The following ZFP62 variants were observed in gnomAD, a reference collection of about 807,000 sequenced individuals.
ZFP62 encodes the protein zinc finger protein 62 homolog.
ZFP62 carries 44 observed loss-of-function variants against 56.4 expected under a neutral mutation model. The observed-to-expected ratio is 0.78, with a 90% CI of 0.61 to 1.00. The LOEUF is 1.00. ZFP62 is among the 50% of genes least tolerant of loss of function. The pLI is 0.00. For synonymous variants in ZFP62, 421 were observed against 388.9 expected (o/e 1.08, Z -0.97); for missense variants, 1,030 against 1,085.7 (o/e 0.95, Z 0.72).
chr5:180,836,667 A>G, the ZFP62 span, among the ~76,000 whole-genome samples: 5 of 152,252 alleles, frequency 3.3e-5, no homozygotes, highest in Non-Finnish European at 4.4e-5. Flanking sequence ...GCCACAAAGC[A>G]GCCTACATGG....
chr5:180,836,263 T>G, the ZFP62 span, among the ~76,000 whole-genome samples: 1 of 152,240 alleles, frequency 6.6e-6, no homozygotes, highest in Non-Finnish European at 1.5e-5. Flanking sequence ...TAACAGAAAT[T>G]TATTTTCTCA....
In ZFP62 at chr5:180,850,990, A is replaced by G. The variant is rs1773671706; in HGVS notation, c.505T>C (p.Tyr169His). Residue 169 changes from tyrosine to histidine, a missense_variant, in exon 2 of 2, where the codon TAT becomes CAT. Physicochemically the swap from Tyr to His is moderately conservative, Grantham distance 83. Coordinates refer to ENST00000502412, the MANE Select transcript of ZFP62 (RefSeq NM_001172638.2). ...GTCCCTCCACAGTCATCACATTCAT[A>G]GCGCTTTTCCCCAGTGTGCATAATT... ...HKIMHTGEKR[Y>H]ECDDCGGTFR... 1.3e-6 allele frequency: 2 copies of G among 1,552,222 alleles called. No homozygotes were observed. Among genetic ancestry groups the G allele is most frequent in the Non-Finnish European group, 8.7e-7 (1 of 1,147,350 alleles).
rs1201684559 is a variant in ZFP62 at position 180,851,164 on chromosome 5, T to C, written c.331A>G (p.Arg111Gly). The C allele has an allele frequency of 1.9e-6, 3 of 1,551,640 alleles. No homozygotes were observed. In the African/African-American group the frequency reaches 4.1e-5, roughly 21 times the overall value. The change falls in exon 2 of 2, where the codon AGA (arginine) becomes GGA (glycine). Residue 111 changes from arginine to glycine, a missense_variant. Arg to Gly is a moderately radical substitution (Grantham distance 125). Coordinates refer to ENST00000502412, the MANE Select transcript of ZFP62 (RefSeq NM_001172638.2). ...ITHQTMPIGQ[R>G]GSEQGKRVEN... is the part of the protein sequence containing the mutation. ...ACACGTTTGCCTTGCTCACTGCCTC[T>C]CTGTCCTATAGGCATAGTCTGGTGT...
Position 180,848,935 on chromosome 5 carries a change from T to G in ZFP62, c.2560A>C (p.Asn854His). ...ECGKAFNIRS[N>H]LTKHKRTHTG... ...TGGGTTCTTTTATGCTTGGTGAGATTTGATCTGATATTAAAAGCCTTACCA... is the reference window on the plus strand; with the variant it reads ...TGGGTTCTTTTATGCTTGGTGAGATGTGATCTGATATTAAAAGCCTTACCA... The change falls in exon 2 of 2, where the codon AAT becomes CAT. Residue 854 changes from asparagine to histidine, a missense_variant. Transcript: ENST00000502412. 6.4e-7 allele frequency: 1 copy of G among 1,551,762 alleles called. No homozygotes were observed. The highest frequency in any genetic ancestry group is 1.4e-5 in the African/African-American group (1 of 73,160).
At position 180,849,452 on chromosome 5, in the gene ZFP62, G is replaced by C. The variant is rs1773560494; in HGVS notation, c.2043C>G (p.Ala681=). ...RPYECDVCGK[A]YISHSSLINH... The stretch of plus-strand genomic sequence containing the variant: ...TAATAAGGCTTGAGTGTGAGATGTA[G>C]GCTTTTCCACACACATCACATTCAT... Residue 681 remains alanine (A), a synonymous_variant, in exon 2 of 2, where the codon GCC becomes GCG. Coordinates refer to ENST00000502412, the MANE Select transcript of ZFP62 (RefSeq NM_001172638.2). 4 of 1,551,622 alleles carry C rather than the reference G, an allele frequency of 2.6e-6. No individual in the cohort carries two copies. Among genetic ancestry groups the C allele is most frequent in the Non-Finnish European group, 3.5e-6 (4 of 1,147,048 alleles).
chr5:180,840,421 G>A, the ZFP62 span, among the ~76,000 whole-genome samples: 2 of 152,186 alleles, frequency 1.3e-5, no homozygotes, highest in Non-Finnish European at 2.9e-5. Context: ...CTAGGTGTGG[G>A]TAGAGATGAG....
chr5:180,851,014 T>A lies in ZFP62; in HGVS notation c.481A>T (p.Ile161Phe). ...TAGCGCTTTTCCCCAGTGTGCATAA[T>A]TTTATGTTGAACAAGGCGGGAATTA... ...KYNSRLVQHK[I>F]MHTGEKRYEC... is the part of the protein sequence containing the mutation. The change falls in exon 2 of 2, where the codon ATT (isoleucine) becomes TTT (phenylalanine). Residue 161 changes from isoleucine (I) to phenylalanine (F), a missense_variant. Physicochemically the swap from Ile to Phe is conservative, Grantham distance 21. Coordinates refer to ENST00000502412, the MANE Select transcript of ZFP62 (RefSeq NM_001172638.2). The A allele has an allele frequency of 1.3e-6, 2 of 1,551,860 alleles. No individual in the cohort carries two copies. The highest frequency in any genetic ancestry group is 1.7e-6 in the Non-Finnish European group (2 of 1,147,072).
chr5:180,835,788 C>A, the ZFP62 span: 1 of 152,172 alleles, frequency 6.6e-6, no homozygotes, highest in East Asian at 1.9e-4. Context: ...ATGTTCTCAC[C>A]ACTATTTCAA....
At position 180,849,669 on chromosome 5, in the gene ZFP62, T is replaced by C; in HGVS notation, c.1826A>G (p.Lys609Arg). The C allele has an allele frequency of 6.5e-7, 1 of 1,549,780 alleles. No individual in the cohort carries two copies. Among genetic ancestry groups the C allele is most frequent in the Non-Finnish European group, 8.7e-7 (1 of 1,146,392 alleles). ...GTAGGGCTTCTCCCCAAGATGAACTTTTTTGTGGTTTGTAAGGGTTCGGTA... is the reference window on the plus strand; with the variant it reads ...GTAGGGCTTCTCCCCAAGATGAACTCTTTTGTGGTTTGTAAGGGTTCGGTA... ...ITYRTLTNHK[K>R]VHLGEKPYKC... The change falls in exon 2 of 2, where the codon AAA becomes AGA. Residue 609 changes from lysine (K) to arginine (R), a missense_variant. Lys to Arg is a conservative substitution (Grantham distance 26). Coordinates refer to ENST00000502412, the MANE Select transcript of ZFP62 (RefSeq NM_001172638.2).
At position 180,847,629 on chromosome 5, in the gene ZFP62, C is replaced by G. The variant is rs1371656002; in HGVS notation, c.*1163G>C. The G allele has an allele frequency of 3.0e-6, 3 of 985,288 alleles. No individual in the cohort carries two copies. In the African/African-American group the frequency reaches 5.2e-5, roughly 17 times the overall value. The allele number at this position is 985,288 out of a possible 1,614,324, so 61.0% of individuals were successfully genotyped here. On this transcript the variant is annotated 3_prime_UTR_variant, in exon 2 of 2. Transcript: ENST00000502412. ...CAGCCCGTTTTGATTTAAGGAATTT[C>G]TTTATTGGAATTCCACTTTACCTCG...
At chr5:180,858,279 G>GAAAAAAAAAAAAAAAAAAAAAAAAAA (rs1345418139) in intron 1 of ZFP62, among the ~76,000 whole-genome samples, 1 of 108,186 alleles carries the variant, frequency 9.2e-6, no homozygotes, top group African/African-American at 3.4e-5. Flanking sequence ...AAAAAAAAAA[G>GAAAAAAAAAAAAAAAAAAAAAAAAAA]AAAAAAAGAA....
At position 180,848,696 on chromosome 5, in the gene ZFP62, A is replaced by G; in HGVS notation, c.*96T>C. On this transcript the variant is annotated 3_prime_UTR_variant, in exon 2 of 2. Coordinates refer to ENST00000502412, the MANE Select transcript of ZFP62 (RefSeq NM_001172638.2). ...ATAATCCTCTAGGATGGTTTCATTT[A>G]CACTGTGTAAATTACAAGCCATGAC... 2 of 1,440,618 alleles carry G rather than the reference A, an allele frequency of 1.4e-6. No homozygotes were observed. The highest frequency in any genetic ancestry group is 1.8e-6 in the Non-Finnish European group (2 of 1,094,296). The allele number at this position is 1,440,618 out of a possible 1,614,324, so 89.2% of individuals were successfully genotyped here.
At chr5:180,843,431 C>T (rs1319976446), downstream of ZFP62, among the ~76,000 whole-genome samples, 1 of 152,046 alleles carries the variant, frequency 6.6e-6, no homozygotes, top group Non-Finnish European at 1.5e-5. Flanking sequence ...TTAAAACAAA[C>T]TATATGCTAT....
At chr5:180,844,936 C>G (rs1380876703), downstream of ZFP62, among the ~76,000 whole-genome samples, 1 of 152,132 alleles carries the variant, frequency 6.6e-6, no homozygotes, top group African/African-American at 2.4e-5. Flanking sequence ...TATGCAAATA[C>G]TTCTCATTCT....
chr5:180,851,525 C>T (rs1296344592), intron 1 of ZFP62, 32 bp from the exon 2 acceptor site: 1 of 1,483,262 alleles, frequency 6.7e-7, no homozygotes, highest in Non-Finnish European at 8.9e-7. Flanking sequence ...GACACCTATT[C>T]ACTCTCTTAA....
At chr5:180,827,333 G>C in the ZFP62 span, among the ~76,000 whole-genome samples, 1 of 152,224 alleles carries the variant, frequency 6.6e-6, no homozygotes, top group African/African-American at 2.4e-5. Flanking sequence ...AGACGTAGGA[G>C]ACTCCATTCT....
At position 180,850,169 on chromosome 5, in the gene ZFP62, A is replaced by T. The variant is rs929986878; in HGVS notation, c.1326T>A (p.Ile442=). The change falls in exon 2 of 2, where the codon ATT becomes ATA. Residue 442 remains isoleucine, a synonymous_variant. Coordinates refer to ENST00000502412, the MANE Select transcript of ZFP62 (RefSeq NM_001172638.2). The part of the protein sequence containing the change: ...YNSLLLQHRT[I]HTGERPYVCD... ...ATACATAAGGTCTCTCTCCGGTATG[A>T]ATAGTTCTGTGTTGAAGAAGTAGTG... 3.2e-6 allele frequency: 5 copies of T among 1,551,684 alleles called. No individual in the cohort carries two copies. The highest frequency in any genetic ancestry group is 1.4e-5 in the African/African-American group (1 of 73,048).
chr5:180,842,393 A>AGGATC, the ZFP62 span, among the ~76,000 whole-genome samples: 1 of 152,246 alleles, frequency 6.6e-6, no homozygotes, highest in Non-Finnish European at 1.5e-5. Context: ...TATACAAAAA[A>AGGATC]GGATCACTTA....
intron 1 of ZFP62, among the ~76,000 whole-genome samples, chr5:180,859,608 C>T (rs1581978842): frequency 6.6e-6 from 1 of 152,032 alleles, no homozygotes; most frequent in Non-Finnish European, 1.5e-5. Flanking sequence ...TTCTAGTTGT[C>T]GTAGGGGAGG....
Sources: gnomAD v4.1 joint callset for allele counts (sites outside exome capture counted in the v4.1 genomes callset) on GRCh38, gnomAD v4.1.1 for gene constraint, MANE v1.5 for transcripts, NCBI Gene and HGNC (gene_info 2026-07-23, HGNC 2026-07-21) for gene names.